Variants in UNC5D observed in about 807,000 individuals in gnomAD.
UNC5D encodes the protein netrin receptor UNC5D.
UNC5D carries 39 observed loss-of-function variants against 105.4 expected under a neutral mutation model. The ratio of observed to expected loss-of-function variants is 0.37; its 90% CI spans 0.29 to 0.48. The LOEUF (loss-of-function observed/expected upper bound fraction) is 0.48, where lower values mean the gene tolerates loss of function less well. UNC5D is among the 20% of genes least tolerant of loss of function. UNC5D has a pLI of 0.98. For missense variants in UNC5D, 991 were observed against 1,202.4 expected, an observed-to-expected ratio of 0.82 and a Z score of 2.60; for synonymous variants, 452 against 450.4, an observed-to-expected ratio of 1.00 and a Z score of -0.04.
intron 2 of UNC5D, among the ~76,000 whole-genome samples, chr8:35,558,562 A>G (rs1048039132): frequency 3.3e-5 from 5 of 152,226 alleles, no homozygotes; most frequent in Non-Finnish European, 7.3e-5. Flanking sequence ...ATTCCCTTAT[A>G]TAAGTGGAAG....
At chr8:35,288,109 AG>A (rs35100378) in intron 1 of UNC5D, among the ~76,000 whole-genome samples, 123,258 of 151,844 alleles carry the variant, frequency 0.81, 50,629 homozygotes, top group East Asian at 1. Context: ...GGAAGCTCAG[AG>A]GTTGCCAATC....
At position 35,793,580 on chromosome 8, in the gene UNC5D, G is replaced by A. The variant is rs1183175789; in HGVS notation, c.*3017G>A. ...AGTCCAATAGTCATGCTTTAAATAT[G>A]GCTTTAAATTATGCCACCAAAATGG... On this transcript the variant is annotated 3_prime_UTR_variant, in exon 17 of 17. Coordinates refer to ENST00000404895, the MANE Select transcript of UNC5D (RefSeq NM_080872.4). 2 of 153,612 alleles carry A rather than the reference G, an allele frequency of 1.3e-5. No individual in the cohort carries two copies. The highest frequency in any genetic ancestry group is 3.8e-4 in the East Asian group (2 of 5,206). 9.5% of individuals were successfully genotyped at this position (153,612 alleles called of 1,614,324 possible).
intron 13 of UNC5D, among the ~76,000 whole-genome samples, chr8:35,751,824 A>G (rs1830293396): frequency 1.3e-5 from 2 of 152,232 alleles, no homozygotes. Context: ...ATCAGAATTC[A>G]ACAAACAAAC....
chr8:35,303,628 G>T (rs1400608216), intron 1 of UNC5D, among the ~76,000 whole-genome samples: 2 of 152,138 alleles, frequency 1.3e-5, no homozygotes, highest in Non-Finnish European at 2.9e-5. Context: ...AGTTTACTTA[G>T]TTGGATACAT....
At chr8:35,443,536 G>T (rs538117894) in intron 1 of UNC5D, among the ~76,000 whole-genome samples, 1 of 151,924 alleles carries the variant, frequency 6.6e-6, no homozygotes, top group South Asian at 2.1e-4. Flanking sequence ...TAGTTCTTTG[G>T]TGATCTGCAA....
intron 1 of UNC5D, among the ~76,000 whole-genome samples, chr8:35,411,985 A>C (rs955257668): frequency 6.6e-6 from 1 of 152,080 alleles, no homozygotes; most frequent in African/African-American, 2.4e-5. Flanking sequence ...GAAATCATTA[A>C]AGAGAGAGGA....
intron 1 of UNC5D, among the ~76,000 whole-genome samples, chr8:35,492,080 G>T (rs2130117763): frequency 6.6e-6 from 1 of 151,296 alleles, no homozygotes; most frequent in South Asian, 2.1e-4. Context: ...ATTGTTTTCA[G>T]AACATCACTT....
At chr8:35,299,945 C>G (rs1417937198) in intron 1 of UNC5D, among the ~76,000 whole-genome samples, 1 of 152,016 alleles carries the variant, frequency 6.6e-6, no homozygotes, top group African/African-American at 2.4e-5. Flanking sequence ...CTGAGATATT[C>G]CTTACTTAAT....
chr8:35,736,546 A>C (rs1829478688), intron 11 of UNC5D, among the ~76,000 whole-genome samples: 1 of 152,226 alleles, frequency 6.6e-6, no homozygotes, highest in Non-Finnish European at 1.5e-5. Context: ...ACCATAGTTG[A>C]TATATTTCAT....
intron 2 of UNC5D, among the ~76,000 whole-genome samples, chr8:35,566,343 C>T (rs1817335478): frequency 6.6e-6 from 1 of 152,056 alleles, no homozygotes; most frequent in Admixed American, 6.6e-5. Context: ...TTTTTAAATC[C>T]TGAAACCAAG....
intron 4 of UNC5D, among the ~76,000 whole-genome samples, chr8:35,674,472 TGGG>T (rs1825061993): frequency 6.6e-6 from 1 of 152,164 alleles, no homozygotes; most frequent in South Asian, 2.1e-4. Flanking sequence ...GTCTATAAAA[TGGG>T]GGTGATAAAA....
intron 1 of UNC5D, among the ~76,000 whole-genome samples, chr8:35,310,879 T>TG (rs754292124): frequency 6.6e-6 from 1 of 152,166 alleles, no homozygotes. Context: ...TATGAATACC[T>TG]GGGGAACACA....
intron 2 of UNC5D, among the ~76,000 whole-genome samples, chr8:35,561,941 G>A (rs1816996558): frequency 6.6e-6 from 1 of 152,086 alleles, no homozygotes; most frequent in African/African-American, 2.4e-5. Context: ...TCGTTAACTA[G>A]TCACTGTACT....
At chr8:35,699,659 G>A (rs903077720) in intron 7 of UNC5D, among the ~76,000 whole-genome samples, 2 of 152,138 alleles carry the variant, frequency 1.3e-5, no homozygotes, top group African/African-American at 4.8e-5. Flanking sequence ...TCCTCCATGA[G>A]TACGCTCAGA....
chr8:35,707,568 T>A (rs1321158155), intron 8 of UNC5D, among the ~76,000 whole-genome samples: 1 of 152,066 alleles, frequency 6.6e-6, no homozygotes, highest in Non-Finnish European at 1.5e-5. Context: ...ACAGGTGGAG[T>A]AAGTGGACTC....
intron 3 of UNC5D, among the ~76,000 whole-genome samples, chr8:35,576,187 A>G (rs1252894492): frequency 6.6e-6 from 1 of 152,246 alleles, no homozygotes; most frequent in Middle Eastern, 3.2e-3. Context: ...CAGCAAGTGC[A>G]TTAAATCAAG....
At chr8:35,343,844 A>G (rs1294985301) in intron 1 of UNC5D, among the ~76,000 whole-genome samples, 1 of 152,136 alleles carries the variant, frequency 6.6e-6, no homozygotes, top group African/African-American at 2.4e-5. Flanking sequence ...AACATAAATG[A>G]ATTTGTTTTA....
chr8:35,469,963 C>T (rs1310081870), intron 1 of UNC5D, among the ~76,000 whole-genome samples: 1 of 152,130 alleles, frequency 6.6e-6, no homozygotes, highest in East Asian at 1.9e-4. Flanking sequence ...AATTATTAAG[C>T]CACTCCTCAC....
intron 1 of UNC5D, among the ~76,000 whole-genome samples, chr8:35,349,235 G>GT (rs1227300260): frequency 6.6e-6 from 1 of 151,916 alleles, no homozygotes; most frequent in Non-Finnish European, 1.5e-5. Flanking sequence ...ACAAGTGGTA[G>GT]TTTTTTGAAG....
Sources: allele counts gnomAD v4.1 joint callset (sites outside exome capture counted in the v4.1 genomes callset), GRCh38; gene constraint gnomAD v4.1.1; transcripts MANE v1.5; gene names NCBI Gene and HGNC (gene_info 2026-07-23, HGNC 2026-07-21).